The following MAGI2 variants were observed in gnomAD, a reference collection of about 807,000 sequenced individuals.
MAGI2 encodes membrane-associated guanylate kinase, WW and PDZ domain-containing protein 2.
Under a neutral mutation model 133.3 loss-of-function variants are expected in MAGI2, and 35 were observed. The observed-to-expected ratio is 0.26, with a 90% CI of 0.20 to 0.35. The LOEUF (loss-of-function observed/expected upper bound fraction) is 0.35, where lower values mean the gene tolerates loss of function less well. Ranked by LOEUF, MAGI2 falls within the 10% of genes least tolerant of loss-of-function variation. MAGI2 has a pLI of 1.00. For missense variants in MAGI2, 1,636 were observed against 1,863.4 expected (o/e 0.88, Z 2.25); for synonymous variants, 729 against 710.6 (o/e 1.03, Z -0.41).
At chr7:78,478,123 T>C (rs1040670124) in intron 6 of MAGI2, among the ~76,000 whole-genome samples, 2 of 151,724 alleles carry the variant, frequency 1.3e-5, no homozygotes, top group African/African-American at 4.8e-5. Context: ...CCTCCCTGTG[T>C]CCATGTGTTC....
intron 20 of MAGI2, among the ~76,000 whole-genome samples, chr7:78,117,207 A>G (rs557387832): frequency 4.0e-4 from 61 of 152,152 alleles, no homozygotes; most frequent in Middle Eastern, 3.4e-3. Flanking sequence ...TAACATTAAT[A>G]TCAAAATCTT....
chr7:78,445,640 C>T (rs1157211), intron 6 of MAGI2, among the ~76,000 whole-genome samples: 129,229 of 152,074 alleles, frequency 0.85, 55,302 homozygotes, highest in Middle Eastern at 0.94. Flanking sequence ...CCTCCTGAAA[C>T]GCACATATAA....
chr7:79,127,836 G>A (rs1212986884), intron 1 of MAGI2, among the ~76,000 whole-genome samples: 1 of 152,156 alleles, frequency 6.6e-6, no homozygotes, highest in African/African-American at 2.4e-5. Flanking sequence ...GGCTTGTGTT[G>A]CCATTGCTTT....
chr7:78,835,388 T>C (rs1791526496), intron 2 of MAGI2, among the ~76,000 whole-genome samples: 1 of 152,198 alleles, frequency 6.6e-6, no homozygotes, highest in Non-Finnish European at 1.5e-5. Context: ...GCATGTAATA[T>C]GTGAATATGA....
At chr7:78,960,354 A>G (rs910098670) in intron 2 of MAGI2, among the ~76,000 whole-genome samples, 1 of 152,100 alleles carries the variant, frequency 6.6e-6, no homozygotes, top group African/African-American at 2.4e-5. Flanking sequence ...TAACGATACC[A>G]TGTTACGTCA....
intron 1 of MAGI2, among the ~76,000 whole-genome samples, chr7:79,174,651 A>G (rs1159909355): frequency 6.6e-6 from 1 of 151,788 alleles, no homozygotes; most frequent in Non-Finnish European, 1.5e-5. Flanking sequence ...CCTGGTCACC[A>G]TAACAAGACC....
intron 1 of MAGI2, among the ~76,000 whole-genome samples, chr7:79,263,762 G>A (rs923229212): frequency 1.3e-5 from 2 of 152,018 alleles, no homozygotes; most frequent in East Asian, 3.9e-4. Context: ...GACACCCTGA[G>A]GCTATACTAA....
chr7:78,194,743 C>G, intron 12 of MAGI2, 131 bp downstream of exon 12: 1 of 650,170 alleles, frequency 1.5e-6, no homozygotes, highest in Non-Finnish European at 2.3e-6. Context: ...TTTAGACCAG[C>G]TGGCTCTGCT....
In MAGI2 at chr7:78,843,390, A is replaced by G. The variant is rs547056219; in HGVS notation, c.418+163700T>C. Among the ~76,000 whole-genome samples the G allele has an allele frequency of 3.3e-5, 5 of 151,972 alleles. No homozygotes were observed. The South Asian group carries it at 1.0e-3, about 32-fold the overall frequency. ...GAAGTTGGTTGATTCTTTTTTTGAAAATGACTCAGGTTTTGTTGAATTCAC... is the reference window on the plus strand; with the variant it reads ...GAAGTTGGTTGATTCTTTTTTTGAAGATGACTCAGGTTTTGTTGAATTCAC... On this transcript the variant is annotated intron_variant, in intron 2 of 21. Coordinates refer to ENST00000354212, the MANE Select transcript of MAGI2 (RefSeq NM_012301.4).
intron 9 of MAGI2, among the ~76,000 whole-genome samples, chr7:78,258,136 T>C (rs1429816864): frequency 6.6e-6 from 1 of 152,224 alleles, no homozygotes; most frequent in Non-Finnish European, 1.5e-5. Context: ...ATTGGTCAGA[T>C]GGAACTTCAC....
At chr7:78,827,971 G>A (rs373459748) in intron 2 of MAGI2, among the ~76,000 whole-genome samples, 5 of 152,096 alleles carry the variant, frequency 3.3e-5, no homozygotes, top group East Asian at 1.9e-4. Context: ...TGCAACCTCC[G>A]CCTCCCAGGT....
intron 2 of MAGI2, among the ~76,000 whole-genome samples, chr7:78,703,579 T>A (rs1818292971): frequency 6.6e-6 from 1 of 152,024 alleles, no homozygotes; most frequent in Non-Finnish European, 1.5e-5. Context: ...TGGTTGTCCA[T>A]GAACTAATGC....
intron 2 of MAGI2, among the ~76,000 whole-genome samples, chr7:78,689,682 C>CTTTTTTTTTTTTT (rs200333526): frequency 1.6e-3 from 151 of 92,006 alleles, no homozygotes; most frequent in East Asian, 2.7e-3. Flanking sequence ...TTGGATCTGG[C>CTTTTTTTTTTTTT]TTTTTTTTTT....
At chr7:78,853,332 C>CTGTTTTT (rs1793312874) in intron 2 of MAGI2, among the ~76,000 whole-genome samples, 1 of 25,052 alleles carries the variant, frequency 4.0e-5, no homozygotes, top group Non-Finnish European at 7.2e-5. Context: ...TCCATTCGTT[C>CTGTTTTT]TTTTTTTTTT....
chr7:78,709,031 T>C (rs1818918909), intron 2 of MAGI2, among the ~76,000 whole-genome samples: 2 of 152,156 alleles, frequency 1.3e-5, no homozygotes, highest in Non-Finnish European at 1.5e-5. Flanking sequence ...GCCTCACTTG[T>C]ACTTCTGCAA....
At chr7:79,404,047 T>G (rs1385461392) in intron 1 of MAGI2, among the ~76,000 whole-genome samples, 1 of 152,160 alleles carries the variant, frequency 6.6e-6, no homozygotes, top group Non-Finnish European at 1.5e-5. Flanking sequence ...ACAATGTTAA[T>G]GTTTACATAA....
At chr7:78,854,326 CTT>C (rs1201928372) in intron 2 of MAGI2, among the ~76,000 whole-genome samples, 3 of 151,886 alleles carry the variant, frequency 2.0e-5, no homozygotes, top group Non-Finnish European at 4.4e-5. Flanking sequence ...AACAATGTAT[CTT>C]ATGAGATAAA....
chr7:78,058,133 TCAAA>T lies in MAGI2; in HGVS notation c.3706+20810_3706+20813del, dbSNP rs200016689. Among the ~76,000 whole-genome samples, 618 of 151,840 alleles carry T rather than the reference TCAAA, an allele frequency of 4.1e-3. 2 individuals are homozygous for T. Among genetic ancestry groups the T allele is most frequent in the African/African-American group, 0.014 (584 of 41,388 alleles). On this transcript the variant is annotated intron_variant, in intron 21 of 21. Transcript: ENST00000354212. ...TTTTTTTGAAGGTACTATGCTAACA[TCAAA>T]CAATCTTTCATCAGAAAAACCCAGT...
At chr7:79,426,818 A>G (rs917510460) in intron 1 of MAGI2, among the ~76,000 whole-genome samples, 1 of 152,214 alleles carries the variant, frequency 6.6e-6, no homozygotes, top group Non-Finnish European at 1.5e-5. Flanking sequence ...CTGCAAATGT[A>G]GTAAATCTAT....
Sources: gnomAD v4.1 joint callset for allele counts (sites outside exome capture counted in the v4.1 genomes callset) on GRCh38, gnomAD v4.1.1 for gene constraint, MANE v1.5 for transcripts, NCBI Gene and HGNC (gene_info 2026-07-23, HGNC 2026-07-21) for gene names.